Variants in PRKCA observed in about 807,000 individuals in gnomAD.
PRKCA encodes protein kinase C alpha.
In PRKCA, 27 loss-of-function variants were observed where a neutral mutation model predicts 87.0. The ratio of observed to expected loss-of-function variants is 0.31; its 90% CI spans 0.23 to 0.43. The LOEUF (loss-of-function observed/expected upper bound fraction) is 0.43, where lower values mean the gene tolerates loss of function less well. Among genes scored for constraint, PRKCA ranks in the 20% least tolerant of loss-of-function variants. The pLI, the probability that PRKCA is intolerant of heterozygous loss-of-function variation, is 1.00. For missense variants in PRKCA, 518 were observed against 852.3 expected (o/e 0.61, Z 4.88); for synonymous variants, 329 against 311.1 (o/e 1.06, Z -0.61).
At chr17:66,671,209 CAA>C (rs778507190) in intron 5 of PRKCA, among the ~76,000 whole-genome samples, 5 of 48,454 alleles carry the variant, frequency 1.0e-4, no homozygotes, top group African/African-American at 1.8e-4. Flanking sequence ...AGACTCATCT[CAA>C]AAAAAAAAAA....
intron 16 of PRKCA, among the ~76,000 whole-genome samples, chr17:66,799,628 GTAA>G (rs1308482080): frequency 5.0e-5 from 2 of 40,390 alleles, no homozygotes; most frequent in Non-Finnish European, 9.9e-5. Flanking sequence ...GGTGGTGATG[GTAA>G]TGGTGGTGGT....
chr17:66,765,428 A>ATATATATG (rs1974782517), intron 13 of PRKCA, among the ~76,000 whole-genome samples: 1 of 102,848 alleles, frequency 9.7e-6, no homozygotes, highest in Admixed American at 1.0e-4. Context: ...CTATATATAT[A>ATATATATG]TATATATATA....
Position 66,689,076 on chromosome 17 carries a change from C to G in PRKCA, c.918+29C>G, listed in dbSNP as rs765110587. On this transcript the variant is annotated intron_variant, in intron 8 of 16. Coordinates refer to ENST00000413366, the MANE Select transcript of PRKCA (RefSeq NM_002737.3). This position sits in a 1 kb window ranked among gnomAD's most constrained non-coding sequence, Gnocchi z 4.1. Reference sequence around the variant, plus strand: ...AGGATAACAAAATGCCCGGAAACACCTTTCCTTTAGAAAGCCCAACTTCAG... The same window carrying G: ...AGGATAACAAAATGCCCGGAAACACGTTTCCTTTAGAAAGCCCAACTTCAG... The G allele has an allele frequency of 6.9e-7, 1 of 1,459,604 alleles. No homozygotes were observed. Among genetic ancestry groups the G allele is most frequent in the Admixed American group, 2.1e-5 (1 of 48,772 alleles). The allele number at this position is 1,459,604 out of a possible 1,614,324, so 90.4% of individuals were successfully genotyped here. A position where few individuals can be genotyped will look rare whatever the true frequency, so the allele number is the denominator to read the frequency against.
chr17:66,768,372 C>A (rs1974857924), intron 13 of PRKCA, among the ~76,000 whole-genome samples: 1 of 151,998 alleles, frequency 6.6e-6, no homozygotes, highest in African/African-American at 2.4e-5. Context: ...CAGGCATGAG[C>A]CACTGTGCCT....
chr17:66,777,809 G>A (rs1449671170), intron 14 of PRKCA: 15 of 985,258 alleles, frequency 1.5e-5, no homozygotes, highest in Admixed American at 1.2e-4. Flanking sequence ...AAGAGGTCAC[G>A]TGAGTAGACT....
At chr17:66,774,687 G>C in intron 14 of PRKCA, 1 of 986,446 alleles carries the variant, frequency 1.0e-6, no homozygotes. Flanking sequence ...TAAAACTGGG[G>C]TTGGGTTATA....
intron 8 of PRKCA, among the ~76,000 whole-genome samples, chr17:66,718,676 A>T (rs1973536867): frequency 6.6e-6 from 1 of 152,192 alleles, no homozygotes; most frequent in Admixed American, 6.5e-5. Context: ...ATCCACCCTC[A>T]TGACCTAGTC....
chr17:66,393,004 G>T (rs932515273), intron 2 of PRKCA, among the ~76,000 whole-genome samples: 21 of 152,134 alleles, frequency 1.4e-4, no homozygotes, highest in African/African-American at 5.1e-4. Context: ...TAGGCATTTT[G>T]TTGGCTAAAT....
chr17:66,456,971 G>T (rs1914601838), intron 2 of PRKCA, among the ~76,000 whole-genome samples: 1 of 152,134 alleles, frequency 6.6e-6, no homozygotes, highest in African/African-American at 2.4e-5. Flanking sequence ...TTCTGTACAT[G>T]AATGTCATGA....
intron 2 of PRKCA, among the ~76,000 whole-genome samples, chr17:66,462,784 G>C (rs1312039504): frequency 1.3e-5 from 2 of 152,134 alleles, no homozygotes; most frequent in African/African-American, 4.8e-5. Context: ...TAGCTAAGAG[G>C]AATGAAATGT....
At chr17:66,780,200 C>T (rs1271421622) in intron 14 of PRKCA, among the ~76,000 whole-genome samples, 1 of 152,092 alleles carries the variant, frequency 6.6e-6, no homozygotes, top group African/African-American at 2.4e-5. Context: ...TCTCTAGTAG[C>T]GTTAGTGATG....
Position 66,701,149 on chromosome 17 carries a change from C to T in PRKCA, c.918+12102C>T, listed in dbSNP as rs547244008. On this transcript the variant is annotated intron_variant, in intron 8 of 16. Transcript: ENST00000413366. ...AACCCAGAAATAAACCCCACACATA[C>T]GTGGTCAACTATCTTTGACAAAGGC... 3.4e-4 allele frequency among the ~76,000 whole-genome samples: 51 copies of T among 152,172 alleles called. No homozygotes were observed. In the South Asian group the frequency reaches 7.7e-3, roughly 23 times the overall value.
chr17:66,496,997 G>C (rs1294315898), intron 3 of PRKCA, among the ~76,000 whole-genome samples: 1 of 152,088 alleles, frequency 6.6e-6, no homozygotes, highest in African/African-American at 2.4e-5. Flanking sequence ...CATTGCTTTG[G>C]GCCAATGTAA....
rs146410425 is a variant in PRKCA, at chr17:66,807,672, A to G, written c.*3635A>G. The G allele has an allele frequency of 0.011, 1,622 of 152,348 alleles. 24 individuals carry two copies. The highest frequency in any genetic ancestry group is 0.037 in the African/African-American group (1,550 of 41,556). 9.4% of individuals were successfully genotyped at this position (152,348 alleles called of 1,614,324 possible). A position where few individuals can be genotyped will look rare whatever the true frequency, so the allele number is the denominator to read the frequency against. ...AAACCATGGGGCCAAGAGCTCTGGA[A>G]GCCTGGCCGGAAAGACCAAGGTTCA... On this transcript the variant is annotated 3_prime_UTR_variant, in exon 17 of 17. Coordinates refer to ENST00000413366, the MANE Select transcript of PRKCA (RefSeq NM_002737.3). This position sits in a 1 kb window ranked among gnomAD's most constrained non-coding sequence, Gnocchi z 4.3.
rs112307201 is a variant in PRKCA, at chr17:66,616,395, G to A, written c.289-24960G>A. On this transcript the variant is annotated intron_variant, in intron 3 of 16. Transcript: ENST00000413366. ...TGTCTTTGAGCTCATCTTTCCTCAC[G>A]TAGATGATGAGTGAGGTGCAATGGT... 3.9e-5 allele frequency among the ~76,000 whole-genome samples: 6 copies of A among 152,268 alleles called. No individual in the cohort carries two copies. In the East Asian group the frequency reaches 9.7e-4, roughly 25 times the overall value.
intron 3 of PRKCA, among the ~76,000 whole-genome samples, chr17:66,526,386 G>C (rs1014578233): frequency 4.5e-4 from 69 of 152,164 alleles, no homozygotes; most frequent in African/African-American, 1.7e-3. Context: ...GTTATCACTT[G>C]CAGACATAAT....
intron 2 of PRKCA, among the ~76,000 whole-genome samples, chr17:66,395,726 A>T (rs1048872250): frequency 6.6e-6 from 1 of 152,230 alleles, no homozygotes; most frequent in African/African-American, 2.4e-5. Context: ...CTGATTTTTT[A>T]ACAGCAGTTT....
chr17:66,716,180 C>G (rs1973468486), intron 8 of PRKCA, among the ~76,000 whole-genome samples: 1 of 151,794 alleles, frequency 6.6e-6, no homozygotes, highest in East Asian at 1.9e-4. Context: ...CAGAGAATTA[C>G]CCACTTCGAA....
intron 2 of PRKCA, among the ~76,000 whole-genome samples, chr17:66,397,625 T>C (rs1365639488): frequency 6.6e-6 from 1 of 152,160 alleles, no homozygotes; most frequent in Non-Finnish European, 1.5e-5. Context: ...TTTTTCTTTT[T>C]TTTTCCAACT....
Sources: allele counts gnomAD v4.1 joint callset (sites outside exome capture counted in the v4.1 genomes callset), GRCh38; gene constraint gnomAD v4.1.1; non-coding constraint Gnocchi (gnomAD v3.1); transcripts MANE v1.5; gene names NCBI Gene and HGNC (gene_info 2026-07-23, HGNC 2026-07-21).